KIAA1217: variants seen among roughly 807,000 people sequenced by gnomAD.
The protein encoded by KIAA1217 is KIAA1217, also known as sickle tail protein homolog.
A neutral mutation model predicts 163.9 loss-of-function variants in KIAA1217; 88 were observed. The ratio of observed to expected loss-of-function variants is 0.54; its 90% CI spans 0.45 to 0.64. The LOEUF is 0.64. Ranked by LOEUF, KIAA1217 falls within the 30% of genes least tolerant of loss-of-function variation. The pLI is 0.00. For synonymous variants in KIAA1217, 903 were observed against 923.1 expected, an observed-to-expected ratio of 0.98 and a Z score of 0.39; for missense variants, 2,372 against 2,475.0, an observed-to-expected ratio of 0.96 and a Z score of 0.88.
intron 3 of KIAA1217, among the ~76,000 whole-genome samples, chr10:24,430,433 T>C (rs547596180): frequency 6.6e-6 from 1 of 152,328 alleles, no homozygotes; most frequent in South Asian, 2.1e-4. Flanking sequence ...AAGGACCGGT[T>C]TTGTGGAAGA....
At chr10:24,363,673 G>C (rs571668979) in intron 2 of KIAA1217, among the ~76,000 whole-genome samples, 3 of 151,552 alleles carry the variant, frequency 2.0e-5, no homozygotes, top group Non-Finnish European at 4.4e-5. Flanking sequence ...CTGGGCTCAA[G>C]CAGTCCTCCC....
chr10:24,329,180 G>A (rs1028382672), intron 2 of KIAA1217, among the ~76,000 whole-genome samples: 41 of 146,324 alleles, frequency 2.8e-4, no homozygotes, highest in Non-Finnish European at 5.7e-4. Flanking sequence ...TACATAAATG[G>A]TGTATATACA....
At chr10:23,846,615 C>T (rs543753696) in intron 1 of KIAA1217, among the ~76,000 whole-genome samples, 2 of 152,272 alleles carry the variant, frequency 1.3e-5, no homozygotes, top group African/African-American at 4.8e-5. Context: ...AGTTGCTTAT[C>T]AGTTTAAGGA....
intron 6 of KIAA1217, among the ~76,000 whole-genome samples, chr10:24,475,438 G>A (rs1362269355): frequency 6.6e-6 from 1 of 152,052 alleles, no homozygotes; most frequent in East Asian, 1.9e-4. Flanking sequence ...ATTATGAAAG[G>A]GCAATCCCTT....
intron 2 of KIAA1217, among the ~76,000 whole-genome samples, chr10:24,283,488 A>G (rs373968739): frequency 2.0e-5 from 3 of 152,064 alleles, no homozygotes; most frequent in East Asian, 1.9e-4. Flanking sequence ...TCAACATGGC[A>G]AAATCCCATG....
intron 2 of KIAA1217, among the ~76,000 whole-genome samples, chr10:24,023,736 A>G (rs929887357): frequency 1.3e-5 from 2 of 151,800 alleles, no homozygotes; most frequent in African/African-American, 2.4e-5. Flanking sequence ...TAATGAAAAC[A>G]GAATAATCAA....
chr10:23,937,795 A>T (rs1843595212), intron 1 of KIAA1217, among the ~76,000 whole-genome samples: 1 of 152,194 alleles, frequency 6.6e-6, no homozygotes. Flanking sequence ...AGAAATAATG[A>T]TTTTCAGACA....
At chr10:23,819,914 A>G (rs1837540550) in intron 1 of KIAA1217, among the ~76,000 whole-genome samples, 1 of 152,188 alleles carries the variant, frequency 6.6e-6, no homozygotes, top group African/African-American at 2.4e-5. Context: ...CGTGTAAAAT[A>G]AAACTTCTGG....
intron 2 of KIAA1217, among the ~76,000 whole-genome samples, chr10:24,273,643 G>T (rs537962212): frequency 3.9e-5 from 6 of 152,146 alleles, no homozygotes; most frequent in African/African-American, 1.4e-4. Context: ...CCTGAGGTCA[G>T]GAGTTCGAGA....
At chr10:24,304,974 A>G (rs2132824511) in intron 2 of KIAA1217, among the ~76,000 whole-genome samples, 1 of 152,212 alleles carries the variant, frequency 6.6e-6, no homozygotes. Flanking sequence ...ATGGGATTGC[A>G]TTTTTTGACA....
intron 1 of KIAA1217, among the ~76,000 whole-genome samples, chr10:23,815,175 G>A (rs1026617371): frequency 2.6e-5 from 4 of 151,938 alleles, no homozygotes; most frequent in Non-Finnish European, 4.4e-5. Context: ...TAAAATTGAG[G>A]CAAAGGTTTT....
At position 23,790,300 on chromosome 10, in the gene KIAA1217, C is replaced by T. The variant is rs540170229; in HGVS notation, c.-321+95066C>T. On this transcript the variant is annotated intron_variant, in intron 1 of 18. Transcript: ENST00000376462. ...ATGCATATGCACATATGCATATGCA[C>T]ATATGCATATATACATATGCACATA... is the stretch of plus-strand genomic sequence containing the variant. Among the ~76,000 whole-genome samples the T allele has an allele frequency of 6.9e-4, 46 of 67,096 alleles. 9 individuals are homozygous for T. Among genetic ancestry groups the T allele is most frequent in the Non-Finnish European group, 1.2e-3 (39 of 33,464 alleles). The allele number at this position is 67,096 out of a possible 152,430, so 44.0% of individuals were successfully genotyped here.
At chr10:23,905,573 C>G (rs1309271270) in intron 1 of KIAA1217, among the ~76,000 whole-genome samples, 1 of 152,076 alleles carries the variant, frequency 6.6e-6, no homozygotes. Context: ...TTCAGTTGCG[C>G]TACATTGCCT....
chr10:24,131,832 A>G (rs1345871311), intron 2 of KIAA1217, among the ~76,000 whole-genome samples: 1 of 152,194 alleles, frequency 6.6e-6, no homozygotes, highest in Non-Finnish European at 1.5e-5. Context: ...CTGGGGAGTT[A>G]ATAAAAAGTT....
chr10:24,505,601 A>G (rs1438472230), intron 9 of KIAA1217, among the ~76,000 whole-genome samples: 1 of 152,050 alleles, frequency 6.6e-6, no homozygotes, highest in Non-Finnish European at 1.5e-5. Context: ...CTTCTGGAAG[A>G]GATGGTACAG....
chr10:24,091,185 T>C (rs1443736161), intron 2 of KIAA1217, among the ~76,000 whole-genome samples: 1 of 151,834 alleles, frequency 6.6e-6, no homozygotes, highest in African/African-American at 2.4e-5. Context: ...GCCTCACAAA[T>C]TGCTCTGCTA....
chr10:24,214,007 G>C (rs1329194909), intron 1 of KIAA1217, among the ~76,000 whole-genome samples: 1 of 151,596 alleles, frequency 6.6e-6, no homozygotes, highest in Non-Finnish European at 1.5e-5. Context: ...TGTTTTTAAA[G>C]TAGCCATGCA....
chr10:24,349,803 A>G (rs1301303911), intron 2 of KIAA1217, among the ~76,000 whole-genome samples: 1 of 152,264 alleles, frequency 6.6e-6, no homozygotes, highest in African/African-American at 2.4e-5. Context: ...AAAGAAAGGA[A>G]TATCTCTCTG....
chr10:24,438,516 G>A, intron 5 of KIAA1217, 37 bp downstream of exon 5: 2 of 1,366,474 alleles, frequency 1.5e-6, no homozygotes, highest in South Asian at 2.3e-5. Flanking sequence ...TATCTTCAGT[G>A]GGTCAAAGCG....
Sources: gnomAD v4.1 joint callset for allele counts (sites outside exome capture counted in the v4.1 genomes callset) on GRCh38, gnomAD v4.1.1 for gene constraint, MANE v1.5 for transcripts, NCBI Gene and HGNC (gene_info 2026-07-23, HGNC 2026-07-21) for gene names.